Variants in IMPDH1 observed in about 807,000 individuals in gnomAD.
The protein encoded by IMPDH1 is inosine-5'-monophosphate dehydrogenase 1.
IMPDH1 carries 41 observed loss-of-function variants against 73.5 expected under a neutral mutation model. The ratio of observed to expected loss-of-function variants is 0.56; its 90% CI spans 0.43 to 0.72. The LOEUF is 0.72. Among genes scored for constraint, IMPDH1 ranks in the 30% least tolerant of loss-of-function variants. The pLI, the probability that IMPDH1 is intolerant of heterozygous loss-of-function variation, is 0.00. For synonymous variants in IMPDH1, 318 were observed against 334.3 expected, an observed-to-expected ratio of 0.95 and a Z score of 0.53; for missense variants, 645 against 824.8, an observed-to-expected ratio of 0.78 and a Z score of 2.67.
chr7:128,396,773 G>C lies in IMPDH1; in HGVS notation c.1166-78C>G. The C allele has an allele frequency of 1.5e-6, 2 of 1,337,062 alleles. No homozygotes were observed. The highest frequency in any genetic ancestry group is 2.1e-6 in the Non-Finnish European group (2 of 953,630). The allele number at this position is 1,337,062 out of a possible 1,614,324, so 82.8% of individuals were successfully genotyped here. A position where few individuals can be genotyped will look rare whatever the true frequency, so the allele number is the denominator to read the frequency against. On this transcript the variant is annotated intron_variant, in intron 11 of 16. Coordinates refer to ENST00000338791, the MANE Select transcript of IMPDH1 (RefSeq NM_000883.4). The surrounding 1 kb of genome is among the most constrained non-coding windows in gnomAD (Gnocchi z 4.0). ...TGCCCAACAGCCTCTTGGGACCCCA[G>C]TCTAGCACCCCCCAACCCCCCTACA...
intron 16 of IMPDH1, chr7:128,393,675 T>A (rs2116583207): frequency 1.1e-5 from 1 of 92,034 alleles, no homozygotes; most frequent in East Asian, 2.9e-4. Flanking sequence ...CCACCCAGAC[T>A]GCCCCTGCTC....
In IMPDH1 at chr7:128,394,526, C is replaced by A; in HGVS notation, c.1624G>T (p.Val542Leu). ...IQDKGSIQKFVPYLIAGIQHG... is the reference protein window; with the variant it reads ...IQDKGSIQKFLPYLIAGIQHG... ...TGGATGCCTGCTATGAGGTAGGGCACGAACTTCTGAATGGATCCTTTGTCC... is the reference window on the plus strand; with the variant it reads ...TGGATGCCTGCTATGAGGTAGGGCAAGAACTTCTGAATGGATCCTTTGTCC... Residue 542 changes from valine (V) to leucine (L), a missense_variant, in exon 15 of 17, where the codon GTG becomes TTG. Val to Leu is a conservative substitution (Grantham distance 32). This residue lies in a region of IMPDH1 where 459 missense variants were observed against 638.2 expected (regional missense o/e 0.72). Coordinates refer to ENST00000338791, the MANE Select transcript of IMPDH1 (RefSeq NM_000883.4). The surrounding 1 kb of genome is among the most constrained non-coding windows in gnomAD (Gnocchi z 5.5). The A allele has an allele frequency of 6.2e-7, 1 of 1,613,932 alleles. No individual in the cohort carries two copies. The highest frequency in any genetic ancestry group is 1.1e-5 in the South Asian group (1 of 91,076).
chr7:128,392,900 G>T lies in IMPDH1; in HGVS notation c.*107C>A. Reference sequence around the variant, plus strand: ...CCTCTCTGCCTGGAAAGGAGCTGGAGAACCCGTAGTGCAAATCTGTGGACC... The same window carrying T: ...CCTCTCTGCCTGGAAAGGAGCTGGATAACCCGTAGTGCAAATCTGTGGACC... On this transcript the variant is annotated 3_prime_UTR_variant, in exon 17 of 17. Coordinates refer to ENST00000338791, the MANE Select transcript of IMPDH1 (RefSeq NM_000883.4). The T allele has an allele frequency of 9.0e-7, 1 of 1,114,688 alleles. No homozygotes were observed. Among genetic ancestry groups the T allele is most frequent in the South Asian group, 1.3e-5 (1 of 79,688 alleles). The allele number at this position is 1,114,688 out of a possible 1,614,324, so 69.0% of individuals were successfully genotyped here.
At chr7:128,393,106 C>T in intron 16 of IMPDH1, 78 bp from the exon 17 acceptor site, 1 of 1,486,748 alleles carries the variant, frequency 6.7e-7, no homozygotes. Context: ...TCCCCAGGGC[C>T]CCCAGATGTA....
chr7:128,393,140 C>G (rs1797650467), intron 16 of IMPDH1, 112 bp from the exon 17 acceptor site: 9 of 1,213,786 alleles, frequency 7.4e-6, no homozygotes, highest in Admixed American at 1.8e-5. Context: ...AGCTGAGAAG[C>G]CCTGAGATCT....
chr7:128,403,558 C>CA (rs879132945), intron 5 of IMPDH1, 148 bp downstream of exon 5: 68,295 of 465,862 alleles, frequency 0.15, 1,911 homozygotes, highest in African/African-American at 0.24. Flanking sequence ...ACTCTGTCTC[C>CA]AAAAAAAAAA....
Position 128,396,025 on chromosome 7 carries a change from C to A in IMPDH1, c.1261+575G>T, listed in dbSNP as rs769845297. ...TTGCCCTCACAGGAGGGGCCGGGTA[C>A]ATCTCCTCAGGCCAAGTGAGGACCC... On this transcript the variant is annotated intron_variant, in intron 12 of 16. Coordinates refer to ENST00000338791, the MANE Select transcript of IMPDH1 (RefSeq NM_000883.4). The surrounding 1 kb of genome is among the most constrained non-coding windows in gnomAD (Gnocchi z 4.0). Among the ~76,000 whole-genome samples, 3 of 152,144 alleles carry A rather than the reference C, an allele frequency of 2.0e-5. No individual in the cohort carries two copies. The highest frequency in any genetic ancestry group is 4.4e-5 in the Non-Finnish European group (3 of 68,024).
chr7:128,401,418 G>T (rs75325551), intron 5 of IMPDH1, among the ~76,000 whole-genome samples: 2,655 of 152,314 alleles, frequency 0.017, 36 homozygotes, highest in Middle Eastern at 0.031. Flanking sequence ...TGACCAGTGG[G>T]AGCCGATTAA....
intron 5 of IMPDH1, among the ~76,000 whole-genome samples, chr7:128,402,615 C>T (rs1163663072): frequency 3.3e-5 from 5 of 152,232 alleles, no homozygotes; most frequent in Non-Finnish European, 5.9e-5. Flanking sequence ...GTGAACTTCC[C>T]TCACATGTAA....
In IMPDH1 at chr7:128,392,770, G is replaced by A; in HGVS notation, c.*237C>T. 1.8e-6 allele frequency: 1 copy of A among 549,550 alleles called. No homozygotes were observed. The highest frequency in any genetic ancestry group is 3.3e-6 in the Non-Finnish European group (1 of 305,854). The allele number at this position is 549,550 out of a possible 1,614,324, so 34.0% of individuals were successfully genotyped here. A position where few individuals can be genotyped will look rare whatever the true frequency, so the allele number is the denominator to read the frequency against. On this transcript the variant is annotated 3_prime_UTR_variant, in exon 17 of 17. Coordinates refer to ENST00000338791, the MANE Select transcript of IMPDH1 (RefSeq NM_000883.4). Reference sequence around the variant, plus strand: ...AGGCGCAGGGCCTGAGAGCCTGGCTGGCTGGGCTCGGAGGGGGGCTCCCAG... The same window carrying A: ...AGGCGCAGGGCCTGAGAGCCTGGCTAGCTGGGCTCGGAGGGGGGCTCCCAG...
Position 128,395,372 on chromosome 7 carries a change from T to C in IMPDH1, c.1262-98A>G. ...AGCTCTTCCTCCTGTGCACTACCTCTACTCAGGAAAAGGGACAGGGCTGGA... is the reference window on the plus strand; with the variant it reads ...AGCTCTTCCTCCTGTGCACTACCTCCACTCAGGAAAAGGGACAGGGCTGGA... On this transcript the variant is annotated intron_variant, in intron 12 of 16. Coordinates refer to ENST00000338791, the MANE Select transcript of IMPDH1 (RefSeq NM_000883.4). The C allele has an allele frequency of 2.1e-6, 3 of 1,409,954 alleles. No individual in the cohort carries two copies. The South Asian group carries it at 3.5e-5, about 16-fold the overall frequency. The allele number at this position is 1,409,954 out of a possible 1,614,324, so 87.3% of individuals were successfully genotyped here.
chr7:128,400,253 C>T, intron 8 of IMPDH1, 71 bp from the exon 9 acceptor site: 1 of 1,606,298 alleles, frequency 6.2e-7, no homozygotes, highest in Admixed American at 1.7e-5. Context: ...CCTCTGGTCC[C>T]TGGTCACAGG....
In IMPDH1 at chr7:128,392,684, G is replaced by A; in HGVS notation, c.*323C>T. The A allele has an allele frequency of 2.6e-6, 1 of 378,680 alleles. No homozygotes were observed. The highest frequency in any genetic ancestry group is 4.9e-6 in the Non-Finnish European group (1 of 203,126). 23.5% of individuals were successfully genotyped at this position (378,680 alleles called of 1,614,324 possible). ...TGCCCTACAGGAGAAGCCAGGAGGG[G>A]CCGCCTGCCCCTGGGGTGGGGGCCA... On this transcript the variant is annotated 3_prime_UTR_variant, in exon 17 of 17. Transcript: ENST00000338791.
rs1321086350 is a variant in IMPDH1 at position 128,397,028 on chromosome 7, A to C, written c.1075-6T>G. The C allele has an allele frequency of 2.5e-6, 4 of 1,609,596 alleles. No homozygotes were observed. In the East Asian group the frequency reaches 8.9e-5, roughly 36 times the overall value. On this transcript the variant is annotated splice_region_variant and splice_polypyrimidine_tract_variant and intron_variant, in intron 10 of 16. Transcript: ENST00000338791. ...GAATTCCCTTGGGACGAGTCCTGTG[A>C]GAAAGGACGGAAGAGCTTGGGCTTA...
chr7:128,404,643 A>T (rs1420094904), intron 4 of IMPDH1, among the ~76,000 whole-genome samples: 1 of 152,120 alleles, frequency 6.6e-6, no homozygotes, highest in Non-Finnish European at 1.5e-5. Context: ...GTGGGTCATT[A>T]ATCTGCCCTA....
In IMPDH1 at chr7:128,406,134, C is replaced by A. The variant is rs1276674379; in HGVS notation, c.255-269G>T. On this transcript the variant is annotated intron_variant, in intron 3 of 16. Transcript: ENST00000338791. Reference sequence around the variant, plus strand: ...AAAGGGCTCAGCCGCGCCGCGCGCACGCCCCCAGCTGCCTGCAGCGGCGCT... The same window carrying A: ...AAAGGGCTCAGCCGCGCCGCGCGCAAGCCCCCAGCTGCCTGCAGCGGCGCT... 4.0e-5 allele frequency among the ~76,000 whole-genome samples: 6 copies of A among 150,240 alleles called. No homozygotes were observed. The East Asian group carries it at 1.2e-3, about 30-fold the overall frequency.
chr7:128,405,703 G>T (rs1798678279), intron 4 of IMPDH1, 64 bp downstream of exon 4: 1 of 1,502,088 alleles, frequency 6.7e-7, no homozygotes, highest in Middle Eastern at 2.4e-4. Context: ...CGCACGTGCA[G>T]GGCCGGCCCG....
At chr7:128,405,913 G>A (rs1297185924) in intron 3 of IMPDH1, 48 bp from the exon 4 acceptor site, 3 of 1,458,828 alleles carry the variant, frequency 2.1e-6, no homozygotes, top group African/African-American at 1.5e-5. Context: ...GCGGCCGCCC[G>A]CCGCTGCCGC....
intron 3 of IMPDH1, among the ~76,000 whole-genome samples, chr7:128,406,840 G>A (rs1440667030): frequency 6.6e-6 from 1 of 152,310 alleles, no homozygotes; most frequent in East Asian, 1.9e-4. Context: ...GGAAGATGGG[G>A]GAGGATCATA....
Sources: allele counts gnomAD v4.1 joint callset (sites outside exome capture counted in the v4.1 genomes callset), GRCh38; gene constraint gnomAD v4.1.1; regional missense constraint gnomAD v4.1.1; non-coding constraint Gnocchi (gnomAD v3.1); transcripts MANE v1.5; gene names NCBI Gene and HGNC (gene_info 2026-07-23, HGNC 2026-07-21).